CHRM2: variants seen among roughly 807,000 people sequenced by gnomAD.
CHRM2 encodes the protein muscarinic acetylcholine receptor M2.
Under a neutral mutation model 25.0 loss-of-function variants are expected in CHRM2, and 8 were observed. The ratio of observed to expected loss-of-function variants is 0.32; its 90% CI spans 0.19 to 0.58. CHRM2 has a LOEUF of 0.58. CHRM2 is among the 20% of genes least tolerant of loss of function. The pLI, the probability that CHRM2 is intolerant of heterozygous loss-of-function variation, is 0.88. For missense variants in CHRM2, 440 were observed against 567.1 expected (o/e 0.78, Z 2.28); for synonymous variants, 202 against 205.7 (o/e 0.98, Z 0.15).
intron 2 of CHRM2, among the ~76,000 whole-genome samples, chr7:136,976,123 A>C (rs550201194): frequency 6.6e-6 from 1 of 152,282 alleles, no homozygotes; most frequent in Admixed American, 6.5e-5. Context: ...TGAGCCATGT[A>C]TACAAAGCCT....
intron 3 of CHRM2, among the ~76,000 whole-genome samples, chr7:137,008,266 C>A (rs1267762194): frequency 4.6e-5 from 7 of 152,024 alleles, no homozygotes; most frequent in Non-Finnish European, 8.8e-5. Context: ...AGTAGGTGAA[C>A]CCTTGCTTCC....
Position 137,017,409 on chromosome 7 carries a change from A to C in CHRM2, c.*1143A>C, listed in dbSNP as rs1367459718. The C allele has an allele frequency of 6.6e-6, 1 of 151,930 alleles. No homozygotes were observed. The highest frequency in any genetic ancestry group is 1.9e-4 in the East Asian group (1 of 5,138). 9.4% of individuals were successfully genotyped at this position (151,930 alleles called of 1,614,324 possible). ...TGCTGTTTTATTTATTTGGAATCCTAAACAGGATTAACATACTCACATAGC... is the reference window on the plus strand; with the variant it reads ...TGCTGTTTTATTTATTTGGAATCCTCAACAGGATTAACATACTCACATAGC... On this transcript the variant is annotated 3_prime_UTR_variant, in exon 4 of 4. Transcript: ENST00000680005.
At chr7:136,959,753 A>C (rs1258426287) in intron 2 of CHRM2, among the ~76,000 whole-genome samples, 3 of 152,096 alleles carry the variant, frequency 2.0e-5, no homozygotes, top group Non-Finnish European at 4.4e-5. Context: ...CTCTACTAAA[A>C]ATACAAAATT....
At chr7:136,904,273 T>TA (rs1450932252) in intron 2 of CHRM2, among the ~76,000 whole-genome samples, 7 of 152,004 alleles carry the variant, frequency 4.6e-5, no homozygotes, top group African/African-American at 1.4e-4. Flanking sequence ...AAACTTCTGG[T>TA]AAAAAGCTCA....
intron 2 of CHRM2, among the ~76,000 whole-genome samples, chr7:136,923,277 T>C (rs1448305380): frequency 2.2e-5 from 3 of 136,676 alleles, no homozygotes; most frequent in Middle Eastern, 3.8e-3. Flanking sequence ...TTTTTTTTTT[T>C]CCTACTGTGG....
At chr7:136,997,157 A>T (rs1266042631) in intron 3 of CHRM2, among the ~76,000 whole-genome samples, 1 of 152,190 alleles carries the variant, frequency 6.6e-6, no homozygotes, top group African/African-American at 2.4e-5. Flanking sequence ...TAATGCATTG[A>T]TATATACAAT....
rs117758348 is a variant in CHRM2 at position 136,940,100 on chromosome 7, T to G, written c.-124-52087T>G. Reference sequence around the variant, plus strand: ...ATAAATGTAAGCAACATCAGTAGGTTTAAATAATGAGCCAAAACTAAGTGG... The same window carrying G: ...ATAAATGTAAGCAACATCAGTAGGTGTAAATAATGAGCCAAAACTAAGTGG... On this transcript the variant is annotated intron_variant, in intron 2 of 3. Transcript: ENST00000680005. Among the ~76,000 whole-genome samples, 288 of 152,336 alleles carry G rather than the reference T, an allele frequency of 1.9e-3. 13 individuals are homozygous for G. The East Asian group carries it at 0.051, about 27-fold the overall frequency.
intron 3 of CHRM2, among the ~76,000 whole-genome samples, chr7:137,000,124 T>C (rs973239261): frequency 3.9e-5 from 6 of 152,112 alleles, no homozygotes; most frequent in African/African-American, 1.4e-4. Flanking sequence ...ACTATTGCTT[T>C]TAAACCTTTA....
chr7:136,876,825 TC>T (rs1389302187), intron 2 of CHRM2, among the ~76,000 whole-genome samples: 1 of 147,796 alleles, frequency 6.8e-6, no homozygotes, highest in Non-Finnish European at 1.5e-5. Flanking sequence ...GCCCACTTTT[TC>T]AAAAGTCAAT....
intron 3 of CHRM2, among the ~76,000 whole-genome samples, chr7:137,006,027 A>C (rs1022455649): frequency 1.1e-4 from 16 of 152,092 alleles, no homozygotes; most frequent in Non-Finnish European, 2.1e-4. Flanking sequence ...GGAACAAAAC[A>C]ACCTTTAGAC....
intron 2 of CHRM2, among the ~76,000 whole-genome samples, chr7:136,948,302 A>T (rs766694778): frequency 1.3e-5 from 2 of 152,172 alleles, no homozygotes; most frequent in Non-Finnish European, 2.9e-5. Flanking sequence ...AGATGTTGGA[A>T]GAAAGAAAGG....
rs1328364697 is a variant in CHRM2 at position 136,930,873 on chromosome 7, G to A, written c.-124-61314G>A. Reference sequence around the variant, plus strand: ...GACTGCGCCACTGCACTCCAGCCTGGGCTACAGAGCCAGACTCATTCTCTC... The same window carrying A: ...GACTGCGCCACTGCACTCCAGCCTGAGCTACAGAGCCAGACTCATTCTCTC... On this transcript the variant is annotated intron_variant, in intron 2 of 3. Coordinates refer to ENST00000680005, the MANE Select transcript of CHRM2 (RefSeq NM_001006630.2). 2.2e-5 allele frequency among the ~76,000 whole-genome samples: 3 copies of A among 134,766 alleles called. No homozygotes were observed. The Admixed American group carries it at 2.4e-4, about 11-fold the overall frequency. The allele number at this position is 134,766 out of a possible 152,430, so 88.4% of individuals were successfully genotyped here. A position where few individuals can be genotyped will look rare whatever the true frequency, so the allele number is the denominator to read the frequency against.
chr7:136,949,213 C>T (rs1800244595), intron 2 of CHRM2, among the ~76,000 whole-genome samples: 1 of 152,102 alleles, frequency 6.6e-6, no homozygotes, highest in South Asian at 2.1e-4. Context: ...ATCTTCATTA[C>T]AAACTCCAAA....
chr7:136,971,015 T>A (rs1038564219), intron 2 of CHRM2, among the ~76,000 whole-genome samples: 1 of 152,362 alleles, frequency 6.6e-6, no homozygotes, highest in African/African-American at 2.4e-5. Context: ...CTCTTCTCCA[T>A]CCTCTTAGTC....
At chr7:136,972,075 T>G (rs1389097797) in intron 2 of CHRM2, among the ~76,000 whole-genome samples, 2 of 152,132 alleles carry the variant, frequency 1.3e-5, no homozygotes, top group African/African-American at 4.8e-5. Flanking sequence ...ACATTACGTA[T>G]ACTGAGCCTT....
intron 2 of CHRM2, among the ~76,000 whole-genome samples, chr7:136,905,896 T>C (rs1797511065): frequency 6.6e-6 from 1 of 151,584 alleles, no homozygotes; most frequent in Non-Finnish European, 1.5e-5. Flanking sequence ...TTTGAAAAAC[T>C]GTATTTTATC....
intron 2 of CHRM2, among the ~76,000 whole-genome samples, chr7:136,922,958 T>C (rs1332353756): frequency 1.3e-5 from 2 of 152,202 alleles, no homozygotes; most frequent in Non-Finnish European, 2.9e-5. Flanking sequence ...ACTTATCTAT[T>C]AAATGGGGAT....
At chr7:136,906,295 ATG>A (rs371351666) in intron 2 of CHRM2, among the ~76,000 whole-genome samples, 2 of 150,962 alleles carry the variant, frequency 1.3e-5, no homozygotes, top group Admixed American at 6.6e-5. Context: ...ATAAAAACAA[ATG>A]TGTGTGTATG....
Position 137,016,304 on chromosome 7 carries a change from C to T in CHRM2, c.*38C>T. 1 of 1,587,664 alleles carries T rather than the reference C, an allele frequency of 6.3e-7. No homozygotes were observed. The highest frequency in any genetic ancestry group is 1.3e-5 in the African/African-American group (1 of 74,360). On this transcript the variant is annotated 3_prime_UTR_variant, in exon 4 of 4. Transcript: ENST00000680005. ...AAAGATAGAAGGTGGGCAAGGGGAG[C>T]TTGAGAAGAATAAAAGGGATAAACG... is the stretch of plus-strand genomic sequence containing the variant.
Sources: gnomAD v4.1 joint callset for allele counts (sites outside exome capture counted in the v4.1 genomes callset) on GRCh38, gnomAD v4.1.1 for gene constraint, MANE v1.5 for transcripts, NCBI Gene and HGNC (gene_info 2026-07-23, HGNC 2026-07-21) for gene names.